Variants in IPPK observed in about 807,000 individuals in gnomAD.
IPPK encodes inositol-pentakisphosphate 2-kinase, also known as IPK1 homolog.
IPPK carries 22 observed loss-of-function variants against 64.6 expected under a neutral mutation model. That is an observed-to-expected ratio of 0.34 (90% CI 0.24 to 0.49). The LOEUF is 0.49. Among genes scored for constraint, IPPK ranks in the 20% least tolerant of loss-of-function variants. The probability of loss-of-function intolerance (pLI) is 0.99; values close to 1 mark genes in which losing one functional copy is unlikely to be tolerated. For synonymous variants in IPPK, 262 were observed against 247.2 expected (o/e 1.06, Z -0.56); for missense variants, 532 against 630.7 (o/e 0.84, Z 1.68).
At chr9:92,662,341 C>T (rs774239304) in intron 1 of IPPK, among the ~76,000 whole-genome samples, 2 of 152,098 alleles carry the variant, frequency 1.3e-5, no homozygotes, top group African/African-American at 2.4e-5. Context: ...GCCCGACCAA[C>T]ATGGAGAAAA....
At chr9:92,668,213 A>G (rs1341564195) in intron 1 of IPPK, among the ~76,000 whole-genome samples, 1 of 152,226 alleles carries the variant, frequency 6.6e-6, no homozygotes, top group Non-Finnish European at 1.5e-5. Flanking sequence ...GGTTGCAGTG[A>G]GCCGAGATCG....
chr9:92,638,879 T>C (rs1220203923), intron 8 of IPPK, among the ~76,000 whole-genome samples: 1 of 152,128 alleles, frequency 6.6e-6, no homozygotes, highest in Non-Finnish European at 1.5e-5. Context: ...ACATCAACAC[T>C]TAGATTCACA....
rs904091843 is a variant in IPPK, at chr9:92,664,752, G to A, written c.81+5156C>T. ...GCTTGGCAACAAGGCAGGAGTGGCCGGGCCCTAGGCACAGCCTTGCTCTCT... is the reference window on the plus strand; with the variant it reads ...GCTTGGCAACAAGGCAGGAGTGGCCAGGCCCTAGGCACAGCCTTGCTCTCT... On this transcript the variant is annotated intron_variant, in intron 1 of 12. Coordinates refer to ENST00000287996, the MANE Select transcript of IPPK (RefSeq NM_022755.6). Among the ~76,000 whole-genome samples, 13 of 152,180 alleles carry A rather than the reference G, an allele frequency of 8.5e-5. No homozygotes were observed. In the East Asian group the frequency reaches 9.6e-4, roughly 11 times the overall value.
intron 11 of IPPK, among the ~76,000 whole-genome samples, chr9:92,625,864 TC>T (rs1851723571): frequency 6.6e-6 from 1 of 151,662 alleles, no homozygotes; most frequent in East Asian, 1.9e-4. Flanking sequence ...ATCAAACAAA[TC>T]AACAAGGCAA....
chr9:92,641,267 C>T (rs565957885), intron 7 of IPPK, among the ~76,000 whole-genome samples: 1 of 152,312 alleles, frequency 6.6e-6, no homozygotes, highest in South Asian at 2.1e-4. Flanking sequence ...CTCCAAGCGA[C>T]GAGCTGCAAG....
intron 3 of IPPK, 95 bp from the exon 4 acceptor site, chr9:92,652,734 G>T: frequency 1.7e-6 from 1 of 572,986 alleles, no homozygotes. Context: ...TGAGCTGTTG[G>T]TTTTTATGTT....
rs747204470 is a variant in IPPK, at chr9:92,651,703, ATTAAT to A, written c.292+865_292+869del. Among the ~76,000 whole-genome samples the A allele has an allele frequency of 2.0e-5, 3 of 152,182 alleles. No homozygotes were observed. In the East Asian group the frequency reaches 5.8e-4, roughly 29 times the overall value. On this transcript the variant is annotated intron_variant, in intron 4 of 12. Coordinates refer to ENST00000287996, the MANE Select transcript of IPPK (RefSeq NM_022755.6). The stretch of plus-strand genomic sequence containing the variant: ...CCTCCCTCATGTTGTTTTCTGTGGT[ATTAAT>A]TTGTTCTTTTTTGTTCGTTTGTTTG...
At position 92,638,280 on chromosome 9, in the gene IPPK, T is replaced by A; in HGVS notation, c.637A>T (p.Asn213Tyr). The change falls in exon 9 of 13, where the codon AAT becomes TAT. Residue 213 changes from asparagine (N) to tyrosine (Y), a missense_variant and splice_region_variant. By Grantham distance (143) the Asn-to-Tyr change is moderately radical. Coordinates refer to ENST00000287996, the MANE Select transcript of IPPK (RefSeq NM_022755.6). ...EAQNNLKIFK[N>Y]GELIYGCKDA... ...TTGCAGCCGTAAATCAGCTCACCATTCTTCAGACAGGGAAAAGAAAGAGGG... is the reference window on the plus strand; with the variant it reads ...TTGCAGCCGTAAATCAGCTCACCATACTTCAGACAGGGAAAAGAAAGAGGG... 6.2e-7 allele frequency: 1 copy of A among 1,609,612 alleles called. No individual in the cohort carries two copies. The highest frequency in any genetic ancestry group is 8.5e-7 in the Non-Finnish European group (1 of 1,176,452).
chr9:92,654,439 T>C (rs750034627), intron 3 of IPPK, among the ~76,000 whole-genome samples: 8 of 152,256 alleles, frequency 5.3e-5, no homozygotes, highest in Non-Finnish European at 1.0e-4. Context: ...GATGATCACT[T>C]GAGTCTGGGA....
intron 5 of IPPK, 151 bp from the exon 6 acceptor site, chr9:92,648,299 GAAC>G (rs1220083207): frequency 6.8e-5 from 43 of 636,880 alleles, no homozygotes; most frequent in Admixed American, 3.2e-4. Context: ...CTCCCAGCGG[GAAC>G]AACACTTCCT....
chr9:92,650,038 A>C (rs1852231516), intron 4 of IPPK, among the ~76,000 whole-genome samples: 1 of 142,250 alleles, frequency 7.0e-6, no homozygotes. Context: ...AAAAAAAAAA[A>C]AAAAGGCGGG....
chr9:92,633,896 C>A (rs1851888173), intron 11 of IPPK, among the ~76,000 whole-genome samples: 1 of 152,176 alleles, frequency 6.6e-6, no homozygotes, highest in Non-Finnish European at 1.5e-5. Context: ...GCTCATGGAG[C>A]CCTGAATTTC....
chr9:92,638,378 GCCAAGGGCCCTGATGCTGTCCACCCAAT>G, intron 8 of IPPK, 98 bp from the exon 9 acceptor site: 1 of 1,402,624 alleles, frequency 7.1e-7, no homozygotes, highest in Non-Finnish European at 9.8e-7. Context: ...GCGGGTGAAA[GCCAAGGGCCCTGATGCTGTCCACCCAAT>G]CTGGGGCCGC....
At position 92,638,183 on chromosome 9, in the gene IPPK, T is replaced by C. The variant is rs1020997330; in HGVS notation, c.734A>G (p.Asn245Ser). 1 of 1,613,984 alleles carries C rather than the reference T, an allele frequency of 6.2e-7. No homozygotes were observed. The highest frequency in any genetic ancestry group is 1.3e-5 in the African/African-American group (1 of 74,888). The change falls in exon 9 of 13, where the codon AAC becomes AGC. Residue 245 changes from asparagine to serine, a missense_variant. Coordinates refer to ENST00000287996, the MANE Select transcript of IPPK (RefSeq NM_022755.6). The stretch of plus-strand genomic sequence containing the variant: ...GCAGTGGGGCCCACTGGCCAGGCCG[T>C]TGGAAGGGAAGAAGAACGGCTTCAG... ...HHLKPFFFPSNGLASGPHCTR... is the reference protein window; with the variant it reads ...HHLKPFFFPSSGLASGPHCTR...
At chr9:92,652,172 G>A (rs1852279301) in intron 4 of IPPK, among the ~76,000 whole-genome samples, 1 of 152,114 alleles carries the variant, frequency 6.6e-6, no homozygotes. Context: ...AAAACTGGCT[G>A]GGCACGGTGG....
chr9:92,616,145 A>T, intron 12 of IPPK, 88 bp from the exon 13 acceptor site: 1 of 883,866 alleles, frequency 1.1e-6, no homozygotes, highest in Non-Finnish European at 1.7e-6. Context: ...TCTTTCAACT[A>T]GTATGTTTTT....
chr9:92,619,487 T>C lies in IPPK; in HGVS notation c.1249A>G (p.Ser417Gly). ...CATGCCTTGCAGTGGGGGCCTCACCTGGCATCCTGCAGACAGGGAGACAGT... is the reference window on the plus strand; with the variant it reads ...CATGCCTTGCAGTGGGGGCCTCACCCGGCATCCTGCAGACAGGGAGACAGT... Reference protein sequence around the residue: ...IALSPCLQDASSDQRPVVPSS... With the variant: ...IALSPCLQDAGSDQRPVVPSS... The change falls in exon 12 of 13, where the codon AGC becomes GGC. Residue 417 changes from serine (S) to glycine (G), a missense_variant and splice_region_variant. Ser to Gly is a moderately conservative substitution (Grantham distance 56). Coordinates refer to ENST00000287996, the MANE Select transcript of IPPK (RefSeq NM_022755.6). 1 of 1,585,626 alleles carries C rather than the reference T, an allele frequency of 6.3e-7. No homozygotes were observed. Among genetic ancestry groups the C allele is most frequent in the Non-Finnish European group, 8.6e-7 (1 of 1,165,986 alleles).
chr9:92,656,382 A>G, intron 3 of IPPK, 74 bp downstream of exon 3: 1 of 959,300 alleles, frequency 1.0e-6, no homozygotes, highest in African/African-American at 1.6e-5. Context: ...ACAAAGTTCC[A>G]AAGATCACCG....
At position 92,614,303 on chromosome 9, in the gene IPPK, G is replaced by GAAC; in HGVS notation, c.*1526_*1528dup. On this transcript the variant is annotated 3_prime_UTR_variant, in exon 13 of 13. Coordinates refer to ENST00000287996, the MANE Select transcript of IPPK (RefSeq NM_022755.6). ...GCCCCAGCCCCAGCCCAGCAACAGT[G>GAAC]AACTCCCTTGGGTCAAGACAGTACT... is the stretch of plus-strand genomic sequence containing the variant. 6.5e-6 allele frequency: 1 copy of GAAC among 153,078 alleles called. No homozygotes were observed. The highest frequency in any genetic ancestry group is 1.5e-5 in the Non-Finnish European group (1 of 68,668). The allele number at this position is 153,078 out of a possible 1,614,324, so 9.5% of individuals were successfully genotyped here.
Sources: allele counts gnomAD v4.1 joint callset (sites outside exome capture counted in the v4.1 genomes callset), GRCh38; gene constraint gnomAD v4.1.1; transcripts MANE v1.5; gene names NCBI Gene and HGNC (gene_info 2026-07-23, HGNC 2026-07-21).